Variants in WARS2 observed in about 807,000 individuals in gnomAD.
WARS2 encodes the protein tryptophanyl tRNA synthetase 2, mitochondrial.
Under a neutral mutation model 36.5 loss-of-function variants are expected in WARS2, and 28 were observed. That is an observed-to-expected ratio of 0.77 (90% CI 0.57 to 1.05). The LOEUF (loss-of-function observed/expected upper bound fraction) is 1.05. Among genes scored for constraint, WARS2 ranks in the 50% least tolerant of loss-of-function variants. WARS2 has a pLI of 0.00. For missense variants in WARS2, 435 were observed against 456.8 expected (o/e 0.95, Z 0.44); for synonymous variants, 174 against 178.4 (o/e 0.98, Z 0.20).
chr1:119,061,478 G>A (rs1349537597), intron 2 of WARS2, among the ~76,000 whole-genome samples: 1 of 152,160 alleles, frequency 6.6e-6, no homozygotes, highest in Non-Finnish European at 1.5e-5. Context: ...GTCACTGAAT[G>A]AAAAGATAGA....
At chr1:119,127,020 A>G in intron 1 of WARS2, 1 of 749,908 alleles carries the variant, frequency 1.3e-6, no homozygotes, top group Non-Finnish European at 2.4e-6. Context: ...TTTGCCCTAA[A>G]CATCTTCAGT....
At chr1:119,130,048 T>G (rs1047816028) in intron 1 of WARS2, among the ~76,000 whole-genome samples, 2 of 152,178 alleles carry the variant, frequency 1.3e-5, no homozygotes, top group Non-Finnish European at 1.5e-5. Flanking sequence ...AGGGCTGTTC[T>G]CTCCATCTAT....
At chr1:119,093,972 A>G (rs915097817) in intron 1 of WARS2, among the ~76,000 whole-genome samples, 1 of 152,188 alleles carries the variant, frequency 6.6e-6, no homozygotes, top group Non-Finnish European at 1.5e-5. Context: ...GTGGTGACTG[A>G]CCAAACCACA....
At chr1:119,045,702 G>A in intron 2 of WARS2, 40 bp from the exon 3 acceptor site, 1 of 1,495,098 alleles carries the variant, frequency 6.7e-7, no homozygotes. Context: ...GGTGGCCAGT[G>A]TTTTCTTGCA....
At chr1:119,133,173 C>G (rs587731344) in intron 1 of WARS2, among the ~76,000 whole-genome samples, 1 of 152,300 alleles carries the variant, frequency 6.6e-6, no homozygotes, top group African/African-American at 2.4e-5. Context: ...TTATTTTATA[C>G]AAGGTAATCC....
At chr1:119,113,969 T>C (rs999409735) in intron 1 of WARS2, among the ~76,000 whole-genome samples, 24 of 152,134 alleles carry the variant, frequency 1.6e-4, no homozygotes, top group African/African-American at 5.8e-4. Context: ...TTATATCTAA[T>C]AAGAAACAAC....
intron 1 of WARS2, among the ~76,000 whole-genome samples, chr1:119,084,360 G>A (rs1652455303): frequency 6.6e-6 from 1 of 152,060 alleles, no homozygotes; most frequent in Admixed American, 6.6e-5. Context: ...AGACAGAGGC[G>A]ATGGTTACAC....
chr1:119,067,204 G>C (rs956334231), intron 2 of WARS2, among the ~76,000 whole-genome samples: 3 of 152,114 alleles, frequency 2.0e-5, no homozygotes, highest in African/African-American at 7.2e-5. Flanking sequence ...AAATAATATA[G>C]ATTGTTAATG....
At chr1:119,128,093 G>T (rs2101558852) in intron 1 of WARS2, among the ~76,000 whole-genome samples, 1 of 151,698 alleles carries the variant, frequency 6.6e-6, no homozygotes, top group Middle Eastern at 3.4e-3. Context: ...TTTTTCTTTT[G>T]AGATGGAGTC....
intron 1 of WARS2, among the ~76,000 whole-genome samples, chr1:119,118,440 G>A (rs190014872): frequency 6.6e-6 from 1 of 152,140 alleles, no homozygotes; most frequent in Admixed American, 6.5e-5. Flanking sequence ...TATGTTAAAT[G>A]ACCAAACCTA....
intron 2 of WARS2, among the ~76,000 whole-genome samples, chr1:119,046,514 A>AT (rs113950723): frequency 0.22 from 30,757 of 140,766 alleles, 4,401 homozygotes; most frequent in East Asian, 0.51. Context: ...CATCCGGCTA[A>AT]TTTTTTTTTT....
intron 1 of WARS2, among the ~76,000 whole-genome samples, chr1:119,116,930 G>A (rs1010635532): frequency 1.3e-5 from 2 of 152,208 alleles, no homozygotes; most frequent in Admixed American, 6.5e-5. Context: ...AACAGGAAGT[G>A]CAGATACAAA....
intron 2 of WARS2, among the ~76,000 whole-genome samples, chr1:119,072,730 T>C (rs1366974294): frequency 6.6e-6 from 1 of 152,178 alleles, no homozygotes; most frequent in Non-Finnish European, 1.5e-5. Flanking sequence ...AATATGGAAT[T>C]GTCATTGTTA....
At chr1:119,129,150 T>G (rs1655906080) in intron 1 of WARS2, among the ~76,000 whole-genome samples, 1 of 152,160 alleles carries the variant, frequency 6.6e-6, no homozygotes, top group Non-Finnish European at 1.5e-5. Context: ...ATTCATATTT[T>G]GGAACCTAAT....
chr1:119,086,291 C>A (rs587748326), intron 1 of WARS2, among the ~76,000 whole-genome samples: 1 of 152,340 alleles, frequency 6.6e-6, no homozygotes, highest in South Asian at 2.1e-4. Flanking sequence ...CACATTGACA[C>A]CTGCCTGATT....
intron 3 of WARS2, among the ~76,000 whole-genome samples, chr1:119,043,586 C>T (rs1648550061): frequency 6.6e-6 from 1 of 152,180 alleles, no homozygotes; most frequent in African/African-American, 2.4e-5. Context: ...AATGTTTGAA[C>T]ATACAATTTC....
intron 4 of WARS2, among the ~76,000 whole-genome samples, chr1:119,040,886 GTTACTTAT>G (rs1557934932): frequency 6.6e-6 from 1 of 152,064 alleles, no homozygotes; most frequent in African/African-American, 2.4e-5. Context: ...ACTTTCATTT[GTTACTTAT>G]TGGAGAATAT....
At chr1:119,109,168 TAAG>T (rs1333605799) in intron 1 of WARS2, among the ~76,000 whole-genome samples, 2 of 151,976 alleles carry the variant, frequency 1.3e-5, no homozygotes, top group Non-Finnish European at 2.9e-5. Flanking sequence ...CATGTAAGCT[TAAG>T]AAGATGTGTA....
chr1:119,097,189 G>T (rs1653500515), intron 1 of WARS2, among the ~76,000 whole-genome samples: 1 of 152,086 alleles, frequency 6.6e-6, no homozygotes, highest in Non-Finnish European at 1.5e-5. Context: ...ATAATGAAGT[G>T]ATTTTCTTTG....
Sources: allele counts gnomAD v4.1 joint callset (sites outside exome capture counted in the v4.1 genomes callset), GRCh38; gene constraint gnomAD v4.1.1; transcripts MANE v1.5; gene names NCBI Gene and HGNC (gene_info 2026-07-23, HGNC 2026-07-21).